Variants in SH3GL3 observed in about 807,000 individuals in gnomAD.
SH3GL3 encodes SH3 domain containing GRB2 like 3, endophilin A3, also known as endophilin-A3.
Under a neutral mutation model 47.7 loss-of-function variants are expected in SH3GL3, and 33 were observed. The ratio of observed to expected loss-of-function variants is 0.69; its 90% CI spans 0.52 to 0.92. The LOEUF is 0.92. Among genes scored for constraint, SH3GL3 ranks in the 40% least tolerant of loss-of-function variants. The pLI, the probability that SH3GL3 is intolerant of heterozygous loss-of-function variation, is 0.00. For missense variants in SH3GL3, 363 were observed against 417.8 expected, an observed-to-expected ratio of 0.87 and a Z score of 1.14; for synonymous variants, 155 against 148.8, an observed-to-expected ratio of 1.04 and a Z score of -0.30.
chr15:83,581,236 T>C (rs908106757), intron 6 of SH3GL3, among the ~76,000 whole-genome samples: 1 of 152,338 alleles, frequency 6.6e-6, no homozygotes, highest in East Asian at 1.9e-4. Context: ...GATGTAGTAC[T>C]TCCTAGGGTT....
intron 8 of SH3GL3, among the ~76,000 whole-genome samples, chr15:83,592,324 T>C (rs1316663047): frequency 1.3e-5 from 2 of 152,230 alleles, no homozygotes; most frequent in Non-Finnish European, 2.9e-5. Flanking sequence ...ACTTCCATCA[T>C]GTGGGACTCT....
At chr15:83,627,322 G>A in the SH3GL3 span, among the ~76,000 whole-genome samples, 7 of 151,742 alleles carry the variant, frequency 4.6e-5, no homozygotes, top group African/African-American at 9.7e-5. Context: ...GGTTGAACCC[G>A]GGAGGCAGAG....
intron 1 of SH3GL3, among the ~76,000 whole-genome samples, chr15:83,459,317 C>T (rs2040156926): frequency 1.3e-5 from 2 of 152,198 alleles, no homozygotes. Flanking sequence ...TACAGACACA[C>T]CCAGAAACAG....
chr15:83,574,978 G>A (rs111816323), intron 5 of SH3GL3, among the ~76,000 whole-genome samples: 14 of 152,276 alleles, frequency 9.2e-5, no homozygotes, highest in African/African-American at 2.6e-4. Context: ...TCCATTCCTC[G>A]GGGTGAGTGA....
At chr15:83,525,289 C>T (rs949974238) in intron 1 of SH3GL3, among the ~76,000 whole-genome samples, 2 of 151,112 alleles carry the variant, frequency 1.3e-5, no homozygotes, top group Admixed American at 6.6e-5. Context: ...CTTTTAGCCA[C>T]TTGTATATCT....
rs57323112 is a variant in SH3GL3 at position 83,566,365 on chromosome 15, A to AGTGTGTGT, written c.187+1194_187+1201dup. On this transcript the variant is annotated intron_variant, in intron 3 of 8. Coordinates refer to ENST00000427482, the MANE Select transcript of SH3GL3 (RefSeq NM_003027.5). ...GATGGGCAGAGAGAGAGAGAGAGAG[A>AGTGTGTGT]GTGTGTGTGTGTGTGTGTGTGTGTG... Among the ~76,000 whole-genome samples, 103 of 136,686 alleles carry AGTGTGTGT rather than the reference A, an allele frequency of 7.5e-4. 1 individual carries two copies. The South Asian group carries it at 8.6e-3, about 11-fold the overall frequency. 89.7% of individuals were successfully genotyped at this position (136,686 alleles called of 152,430 possible).
chr15:83,475,012 A>G (rs1018037643), intron 1 of SH3GL3, among the ~76,000 whole-genome samples: 16 of 151,666 alleles, frequency 1.1e-4, no homozygotes, highest in East Asian at 3.9e-4. Flanking sequence ...AACAGGATGC[A>G]AGAATAGGTA....
chr15:83,573,566 A>T (rs751672284), intron 5 of SH3GL3, among the ~76,000 whole-genome samples: 1 of 152,194 alleles, frequency 6.6e-6, no homozygotes, highest in Non-Finnish European at 1.5e-5. Context: ...CCACTGTTCC[A>T]GCCCATCCTT....
At chr15:83,631,893 C>G in the SH3GL3 span, among the ~76,000 whole-genome samples, 1 of 152,206 alleles carries the variant, frequency 6.6e-6, no homozygotes, top group African/African-American at 2.4e-5. Flanking sequence ...GCTTGAATTT[C>G]TCCCCATAAA....
intron 1 of SH3GL3, among the ~76,000 whole-genome samples, chr15:83,531,494 AG>A: frequency 6.6e-6 from 1 of 152,268 alleles, no homozygotes; most frequent in Middle Eastern, 3.4e-3. Flanking sequence ...GAGAAGTGTG[AG>A]GTGTTTATGA....
rs567969620 is a variant in SH3GL3, at chr15:83,505,714, G to A, written c.46-53539G>A. Among the ~76,000 whole-genome samples, 319 of 152,104 alleles carry A rather than the reference G, an allele frequency of 2.1e-3. 2 individuals are homozygous for A. Among genetic ancestry groups the A allele is most frequent in the Admixed American group, 3.2e-3 (49 of 15,274 alleles). On this transcript the variant is annotated intron_variant, in intron 1 of 8. Transcript: ENST00000427482. ...GCTAATTTTTGTATTTTTTAGTGGA[G>A]ACATGGTTTCACTAAATGTTGGCGA...
rs1461967461 is a variant in SH3GL3 at position 83,618,320 on chromosome 15, A to T, written c.*33A>T. ...ACACAAACTCTGGACATACTTTCGT[A>T]ACTGAAATGAATTCACACCAGTGTG... is the stretch of plus-strand genomic sequence containing the variant. On this transcript the variant is annotated 3_prime_UTR_variant, in exon 9 of 9. Transcript: ENST00000427482. 3.0e-6 allele frequency: 4 copies of T among 1,355,304 alleles called. No homozygotes were observed. Among genetic ancestry groups the T allele is most frequent in the Non-Finnish European group, 3.2e-6 (3 of 943,876 alleles). The allele number at this position is 1,355,304 out of a possible 1,614,324, so 84.0% of individuals were successfully genotyped here.
intron 6 of SH3GL3, among the ~76,000 whole-genome samples, chr15:83,580,526 A>T (rs1326818168): frequency 6.6e-6 from 1 of 152,246 alleles, no homozygotes; most frequent in African/African-American, 2.4e-5. Context: ...AGTCACAGCC[A>T]TTCACCCTTT....
At chr15:83,603,142 G>A (rs552246224) in intron 8 of SH3GL3, among the ~76,000 whole-genome samples, 3 of 152,148 alleles carry the variant, frequency 2.0e-5, no homozygotes, top group African/African-American at 4.8e-5. Flanking sequence ...TGAGATTATA[G>A]GCATGCACCA....
At chr15:83,497,332 G>T (rs940753812) in intron 1 of SH3GL3, among the ~76,000 whole-genome samples, 2 of 151,896 alleles carry the variant, frequency 1.3e-5, no homozygotes, top group Non-Finnish European at 1.5e-5. Context: ...AGAGCCTATT[G>T]TTCGAGGAAT....
intron 1 of SH3GL3, among the ~76,000 whole-genome samples, chr15:83,538,233 A>G (rs2044009214): frequency 6.6e-6 from 1 of 152,210 alleles, no homozygotes; most frequent in African/African-American, 2.4e-5. Context: ...CTACTATTCA[A>G]ACAGATAGGG....
At chr15:83,536,553 C>T (rs942166566) in intron 1 of SH3GL3, among the ~76,000 whole-genome samples, 8 of 151,864 alleles carry the variant, frequency 5.3e-5, no homozygotes, top group African/African-American at 1.9e-4. Context: ...CAGGGATGTG[C>T]CACCATGCCC....
At chr15:83,537,217 G>C (rs1464651984) in intron 1 of SH3GL3, among the ~76,000 whole-genome samples, 2 of 152,110 alleles carry the variant, frequency 1.3e-5, no homozygotes, top group Admixed American at 6.5e-5. Flanking sequence ...CTGTCTGTTG[G>C]AATGTTGGGA....
chr15:83,467,216 T>C (rs186617398), intron 1 of SH3GL3, among the ~76,000 whole-genome samples: 2 of 152,358 alleles, frequency 1.3e-5, no homozygotes, highest in Admixed American at 1.3e-4. Context: ...TTAATTTTTT[T>C]AATAAAGTGT....
Sources: allele counts gnomAD v4.1 joint callset (sites outside exome capture counted in the v4.1 genomes callset), GRCh38; gene constraint gnomAD v4.1.1; transcripts MANE v1.5; gene names NCBI Gene and HGNC (gene_info 2026-07-23, HGNC 2026-07-21).